Variants in VWA3A observed in about 807,000 individuals in gnomAD.
VWA3A encodes the protein von Willebrand factor A domain-containing protein 3A.
Under a neutral mutation model 160.4 loss-of-function variants are expected in VWA3A, and 134 were observed. The ratio of observed to expected loss-of-function variants is 0.84; its 90% CI spans 0.73 to 0.96. The LOEUF (loss-of-function observed/expected upper bound fraction) is 0.96, where lower values mean the gene tolerates loss of function less well. Among genes scored for constraint, VWA3A ranks in the 40% least tolerant of loss-of-function variants. VWA3A has a pLI of 0.00. For synonymous variants in VWA3A, 476 were observed against 543.4 expected, an observed-to-expected ratio of 0.88 and a Z score of 1.72; for missense variants, 1,310 against 1,447.9, an observed-to-expected ratio of 0.90 and a Z score of 1.55.
chr16:22,100,083 A>G (rs2045383887), intron 3 of VWA3A, 111 bp from the exon 4 acceptor site: 5 of 1,358,998 alleles, frequency 3.7e-6, no homozygotes, highest in Non-Finnish European at 4.9e-6. Flanking sequence ...CTCAAAAAAA[A>G]AAAAAGATAG....
chr16:22,131,890 C>A (rs2045955770), intron 19 of VWA3A, among the ~76,000 whole-genome samples, 161 bp downstream of exon 19: 1 of 152,150 alleles, frequency 6.6e-6, no homozygotes. Context: ...AAAATGCAGG[C>A]CCTGGAGACC....
chr16:22,117,618 G>A (rs1477998849), intron 11 of VWA3A, among the ~76,000 whole-genome samples: 1 of 152,164 alleles, frequency 6.6e-6, no homozygotes, highest in Non-Finnish European at 1.5e-5. Context: ...ATTCTGTACC[G>A]ATCCATCCAT....
intron 25 of VWA3A, 116 bp downstream of exon 25, chr16:22,142,881 T>C: frequency 1.3e-6 from 1 of 777,652 alleles, no homozygotes. Flanking sequence ...CCAGGCACAG[T>C]GACTCACACC....
chr16:22,113,333 A>G (rs1163754192), intron 8 of VWA3A, among the ~76,000 whole-genome samples: 1 of 130,250 alleles, frequency 7.7e-6, no homozygotes, highest in Non-Finnish European at 1.6e-5. Context: ...CTGAGATTAC[A>G]GGTGTGCTCC....
chr16:22,103,362 A>G (rs1182695992), intron 5 of VWA3A, 113 bp from the exon 6 acceptor site: 6 of 963,252 alleles, frequency 6.2e-6, no homozygotes, highest in Non-Finnish European at 7.7e-6. Flanking sequence ...CCAAGAACCT[A>G]TGCACATTAA....
rs138812492 is a variant in VWA3A, at chr16:22,147,510, A to G, written c.2840-652A>G. The G allele has an allele frequency of 7.9e-5, 55 of 699,928 alleles. No individual in the cohort carries two copies. The East Asian group carries it at 1.5e-3, about 19-fold the overall frequency. The allele number at this position is 699,928 out of a possible 1,614,324, so 43.4% of individuals were successfully genotyped here. ...CAGGAGGAGGGAGGAAGGGAGTCCT[A>G]TATAGAGATCCTACAGGTGGCTTTG... On this transcript the variant is annotated intron_variant, in intron 27 of 33. Transcript: ENST00000389398.
Position 22,132,965 on chromosome 16 carries a change from C to A in VWA3A, c.1938C>A (p.Leu646=). Residue 646 remains leucine, a synonymous_variant, in exon 20 of 34, where the codon CTC becomes CTA. Coordinates refer to ENST00000389398, the MANE Select transcript of VWA3A (RefSeq NM_173615.5). ...GCGACCTCCAGCTGAACGTGTGTCT[C>A]TTCTACGTGGGCGAGCCAAAGATGG... The part of the protein sequence containing the change: ...GGCDLQLNVC[L]FYVGEPKMDT... The A allele has an allele frequency of 6.2e-7, 1 of 1,613,984 alleles. No homozygotes were observed.
chr16:22,123,416 T>C, intron 15 of VWA3A, 197 bp from the exon 16 acceptor site: 1 of 1,515,608 alleles, frequency 6.6e-7, no homozygotes, highest in South Asian at 1.2e-5. Context: ...TTTGATGCAA[T>C]GAAATACCGT....
At chr16:22,149,953 G>A (rs375727501) in intron 29 of VWA3A, 22 bp downstream of exon 29, 12 of 1,586,020 alleles carry the variant, frequency 7.6e-6, no homozygotes, top group East Asian at 6.8e-5. Flanking sequence ...CACGGAGCCC[G>A]ACCTTGACGC....
chr16:22,145,885 T>C (rs1051107752), intron 26 of VWA3A, among the ~76,000 whole-genome samples: 8 of 151,918 alleles, frequency 5.3e-5, no homozygotes, highest in Non-Finnish European at 8.8e-5. Flanking sequence ...AGTGGTGCAA[T>C]CACAGCTCAC....
chr16:22,136,288 G>A (rs2046038659), intron 21 of VWA3A, among the ~76,000 whole-genome samples: 1 of 152,154 alleles, frequency 6.6e-6, no homozygotes, highest in African/African-American at 2.4e-5. Context: ...GCTCCTCACT[G>A]GAGCACCCAG....
intron 31 of VWA3A, among the ~76,000 whole-genome samples, chr16:22,154,627 G>A (rs1175249450): frequency 4.0e-5 from 6 of 151,846 alleles, no homozygotes; most frequent in Admixed American, 3.9e-4. Flanking sequence ...TTAAGGATAG[G>A]TGGCGAAATT....
At chr16:22,097,189 T>C (rs528480397) in intron 2 of VWA3A, among the ~76,000 whole-genome samples, 14 of 152,120 alleles carry the variant, frequency 9.2e-5, no homozygotes, top group Non-Finnish European at 2.9e-5. Context: ...ATGGTCTCGA[T>C]CCCCTGACCT....
At position 22,121,627 on chromosome 16, in the gene VWA3A, A is replaced by G. The variant is rs546291699; in HGVS notation, c.1356+10A>G. The G allele has an allele frequency of 6.3e-6, 10 of 1,596,418 alleles. No individual in the cohort carries two copies. In the South Asian group the frequency reaches 9.9e-5, roughly 16 times the overall value. On this transcript the variant is annotated intron_variant, in intron 14 of 33. Transcript: ENST00000389398. ...ATCGACCATCCATGAGGTAATTCAG[A>G]TTCATAATTCTCTCCAGTCCTCCAC...
chr16:22,095,239 T>C (rs1221560545), intron 1 of VWA3A, among the ~76,000 whole-genome samples: 1 of 152,182 alleles, frequency 6.6e-6, no homozygotes, highest in African/African-American at 2.4e-5. Context: ...AAGGAAGTGA[T>C]ATTCAAGCTG....
chr16:22,109,409 G>A, intron 6 of VWA3A, 73 bp from the exon 7 acceptor site: 1 of 1,253,624 alleles, frequency 8.0e-7, no homozygotes, highest in South Asian at 1.3e-5. Flanking sequence ...ATCACTGCGT[G>A]GCACAGAGCA....
intron 6 of VWA3A, among the ~76,000 whole-genome samples, chr16:22,106,569 A>G (rs1394716037): frequency 2.0e-5 from 3 of 152,158 alleles, no homozygotes; most frequent in Admixed American, 6.6e-5. Flanking sequence ...GGTATGTTCC[A>G]GAAGCAGCAC....
intron 17 of VWA3A, among the ~76,000 whole-genome samples, chr16:22,129,161 G>T (rs563253623): frequency 1.3e-5 from 2 of 151,726 alleles, no homozygotes; most frequent in Non-Finnish European, 2.9e-5. Context: ...AGGCCGAGGC[G>T]GGCGGATCAC....
At chr16:22,126,380 T>C in intron 17 of VWA3A, 83 bp downstream of exon 17, 1 of 1,536,158 alleles carries the variant, frequency 6.5e-7, no homozygotes, top group East Asian at 2.3e-5. Context: ...TGGACGTTGC[T>C]GGACGATAGA....
Sources: allele counts gnomAD v4.1 joint callset (sites outside exome capture counted in the v4.1 genomes callset), GRCh38; gene constraint gnomAD v4.1.1; transcripts MANE v1.5; gene names NCBI Gene and HGNC (gene_info 2026-07-23, HGNC 2026-07-21).